GSTM4: variants seen among roughly 807,000 people sequenced by gnomAD.
GSTM4 encodes the protein GST class-mu 4.
GSTM4 carries 27 observed loss-of-function variants against 30.1 expected under a neutral mutation model. The ratio of observed to expected loss-of-function variants is 0.90; its 90% CI spans 0.66 to 1.24. GSTM4 has a LOEUF of 1.24. Among genes scored for constraint, GSTM4 ranks in the 50% most tolerant of loss-of-function variants. The pLI, the probability that GSTM4 is intolerant of heterozygous loss-of-function variation, is 0.00. For synonymous variants in GSTM4, 94 were observed against 96.2 expected (o/e 0.98, Z 0.13); for missense variants, 238 against 272.1 (o/e 0.87, Z 0.88).
At chr1:109,666,814 C>T (rs1477788035), downstream of GSTM4, among the ~76,000 whole-genome samples, 3 of 152,170 alleles carry the variant, frequency 2.0e-5, no homozygotes, top group South Asian at 2.1e-4. Flanking sequence ...CAACCTCCAC[C>T]TCCCTGGTTC....
rs1652323856 is a variant in GSTM4, at chr1:109,661,565, C to T, written c.*311C>T. On this transcript the variant is annotated 3_prime_UTR_variant, in exon 8 of 8. Transcript: ENST00000369836. ...GGTTGTATCTGCTTTGAAGGGCCTA[C>T]CTGGCCCCTCGCCTGTGGAGCTCAG... 7.8e-7 allele frequency: 1 copy of T among 1,287,634 alleles called. No homozygotes were observed. Among genetic ancestry groups the T allele is most frequent in the South Asian group, 1.6e-5 (1 of 62,502 alleles). The allele number at this position is 1,287,634 out of a possible 1,614,324, so 79.8% of individuals were successfully genotyped here. A position where few individuals can be genotyped will look rare whatever the true frequency, so the allele number is the denominator to read the frequency against.
In GSTM4 at chr1:109,661,345, C is replaced by T; in HGVS notation, c.*91C>T. On this transcript the variant is annotated 3_prime_UTR_variant, in exon 8 of 8. Transcript: ENST00000369836. ...GCAGCTGGACTCTGCATCCCAGCACCTGCCTCCTCGTTCCTTTCTCCTGTT... is the reference window on the plus strand; with the variant it reads ...GCAGCTGGACTCTGCATCCCAGCACTTGCCTCCTCGTTCCTTTCTCCTGTT... 6.3e-7 allele frequency: 1 copy of T among 1,595,316 alleles called. No homozygotes were observed. Among genetic ancestry groups the T allele is most frequent in the Non-Finnish European group, 8.5e-7 (1 of 1,170,558 alleles).
chr1:109,659,370 C>T, intron 7 of GSTM4: 1 of 1,483,348 alleles, frequency 6.7e-7, no homozygotes, highest in Middle Eastern at 1.8e-4. Flanking sequence ...TTCTGGGTCC[C>T]AGAGCCAGTG....
chr1:109,662,642 G>A (rs1031991216), downstream of GSTM4, among the ~76,000 whole-genome samples: 1 of 152,188 alleles, frequency 6.6e-6, no homozygotes, highest in Non-Finnish European at 1.5e-5. Flanking sequence ...TTGCCAACAA[G>A]CTCATGAGAA....
downstream of GSTM4, among the ~76,000 whole-genome samples, chr1:109,662,257 G>A (rs1218858802): frequency 6.6e-6 from 1 of 152,212 alleles, no homozygotes; most frequent in Admixed American, 6.5e-5. Context: ...ATTATTCAGT[G>A]CTTTCCATGG....
chr1:109,656,881 C>T (rs753773112), intron 2 of GSTM4, 94 bp downstream of exon 2: 1 of 1,240,138 alleles, frequency 8.1e-7, no homozygotes, highest in South Asian at 1.2e-5. Context: ...CTGCAGGCCT[C>T]CCCTGCTGGA....
downstream of GSTM4, among the ~76,000 whole-genome samples, chr1:109,666,917 G>T (rs530513594): frequency 6.6e-6 from 1 of 152,112 alleles, no homozygotes; most frequent in Admixed American, 6.5e-5. Context: ...TAGTACAGTC[G>T]GGATTTCACC....
chr1:109,656,165 G>GTGAGGATCC lies in GSTM4; in HGVS notation c.-224_-216dup, dbSNP rs1651967242. 1.8e-6 allele frequency: 1 copy of GTGAGGATCC among 555,296 alleles called. No homozygotes were observed. Among genetic ancestry groups the GTGAGGATCC allele is most frequent in the Non-Finnish European group, 3.3e-6 (1 of 299,640 alleles). The allele number at this position is 555,296 out of a possible 1,614,324, so 34.4% of individuals were successfully genotyped here. On this transcript the variant is annotated 5_prime_UTR_variant, in exon 1 of 8. Coordinates refer to ENST00000369836, the MANE Select transcript of GSTM4 (RefSeq NM_000850.5). ...CGGTGGATCTTACTCCTTCCAGCCA[G>GTGAGGATCC]TGAGGATCCAGCAACCTGCTCCGTG...
chr1:109,656,951 AATGCTGGGGCGGG>A (rs1557950891), intron 2 of GSTM4, 164 bp downstream of exon 2: 1 of 845,026 alleles, frequency 1.2e-6, no homozygotes, highest in Admixed American at 1.9e-5. Context: ...TGCAAGGCAG[AATGCTGGGGCGGG>A]ATGCTGGGCC....
chr1:109,663,352 C>A (rs1180138899), downstream of GSTM4, among the ~76,000 whole-genome samples: 1 of 152,154 alleles, frequency 6.6e-6, no homozygotes, highest in East Asian at 1.9e-4. Context: ...GGCCTATGCA[C>A]TGTATGTATT....
At chr1:109,657,543 G>A in intron 3 of GSTM4, 47 bp from the exon 4 acceptor site, 1 of 1,613,576 alleles carries the variant, frequency 6.2e-7, no homozygotes, top group Non-Finnish European at 8.5e-7. Flanking sequence ...GGGATGCTGG[G>A]GAGCCTGCTG....
intron 7 of GSTM4, chr1:109,659,392 G>T: frequency 6.9e-7 from 1 of 1,454,618 alleles, no homozygotes. Context: ...AGGCTGTGCT[G>T]GGCTCCCTGT....
chr1:109,660,993 A>G (rs536290762), intron 7 of GSTM4, 172 bp from the exon 8 acceptor site: 1 of 694,762 alleles, frequency 1.4e-6, no homozygotes, highest in South Asian at 1.8e-5. Context: ...GGAAGTTGGA[A>G]GAGTTAACTC....
At chr1:109,660,782 C>G (rs1652274785) in intron 7 of GSTM4, 1 of 255,066 alleles carries the variant, frequency 3.9e-6, no homozygotes, top group Non-Finnish European at 7.6e-6. Flanking sequence ...AGCTCTGTCC[C>G]CCTTAGTAGC....
chr1:109,659,927 A>G (rs994381460), intron 7 of GSTM4: 26 of 355,080 alleles, frequency 7.3e-5, no homozygotes, highest in Admixed American at 3.9e-4. Flanking sequence ...AAATGAGTGC[A>G]GTGAGAGGCC....
At chr1:109,656,675 T>TCCATCTCTGACACGACCTGCGGG in intron 1 of GSTM4, 37 bp from the exon 2 acceptor site, 1 of 1,591,426 alleles carries the variant, frequency 6.3e-7, no homozygotes, top group Non-Finnish European at 8.6e-7. Context: ...TCAGGGACCC[T>TCCATCTCTGACACGACCTGCGGG]CCATCTCTGA....
chr1:109,661,848 T>TA, downstream of GSTM4: 1 of 371,744 alleles, frequency 2.7e-6, no homozygotes, highest in Non-Finnish European at 3.8e-6. Context: ...TTTGTTTTTT[T>TA]TTTGAAATAA....
chr1:109,656,903 T>C (rs1652026956), intron 2 of GSTM4, 116 bp downstream of exon 2: 1 of 1,092,738 alleles, frequency 9.2e-7, no homozygotes, highest in African/African-American at 1.5e-5. Flanking sequence ...CTGCAGGCTG[T>C]CCCTTCCCTG....
intron 4 of GSTM4, 38 bp downstream of exon 4, chr1:109,657,709 G>A (rs1169712450): frequency 6.2e-7 from 1 of 1,614,008 alleles, no homozygotes; most frequent in Non-Finnish European, 8.5e-7. Flanking sequence ...GGGGAAGGTG[G>A]CATCCTCCTT....
Sources: gnomAD v4.1 joint callset for allele counts (sites outside exome capture counted in the v4.1 genomes callset) on GRCh38, gnomAD v4.1.1 for gene constraint, MANE v1.5 for transcripts, NCBI Gene and HGNC (gene_info 2026-07-23, HGNC 2026-07-21) for gene names.